SDK1: variants seen among roughly 807,000 people sequenced by gnomAD.
SDK1 encodes the protein protein sidekick-1.
SDK1 carries 157 observed loss-of-function variants against 245.5 expected under a neutral mutation model. The ratio of observed to expected loss-of-function variants is 0.64; its 90% CI spans 0.56 to 0.73. The LOEUF (loss-of-function observed/expected upper bound fraction) is 0.73, where lower values mean the gene tolerates loss of function less well. Among genes scored for constraint, SDK1 ranks in the 30% least tolerant of loss-of-function variants. SDK1 has a pLI of 0.00. For synonymous variants in SDK1, 1,647 were observed against 1,278.5 expected, an observed-to-expected ratio of 1.29 and a Z score of -6.15; for missense variants, 3,583 against 3,002.3, an observed-to-expected ratio of 1.19 and a Z score of -4.52.
At chr7:3,555,151 T>G (rs376221880) in intron 1 of SDK1, among the ~76,000 whole-genome samples, 16 of 152,140 alleles carry the variant, frequency 1.1e-4, no homozygotes, top group Admixed American at 4.6e-4. Context: ...AGAACATAAC[T>G]TGAGGAGTCA....
At chr7:3,458,460 C>G (rs1008515035) in intron 1 of SDK1, among the ~76,000 whole-genome samples, 16 of 152,016 alleles carry the variant, frequency 1.1e-4, no homozygotes, top group African/African-American at 3.1e-4. Context: ...CTGGATTTAT[C>G]TTCAAATTTG....
chr7:3,830,641 G>A (rs1779891005), intron 5 of SDK1, among the ~76,000 whole-genome samples: 1 of 152,064 alleles, frequency 6.6e-6, no homozygotes, highest in Admixed American at 6.6e-5. Context: ...GACTGCAGGT[G>A]TACACCACCA....
intron 1 of SDK1, among the ~76,000 whole-genome samples, chr7:3,562,961 A>G (rs1779797050): frequency 6.6e-6 from 1 of 151,614 alleles, no homozygotes; most frequent in African/African-American, 2.4e-5. Context: ...AAGTTCATTG[A>G]TGTCTTGAAA....
At chr7:4,193,123 ATAAT>A (rs1278650548) in intron 35 of SDK1, among the ~76,000 whole-genome samples, 3 of 134,810 alleles carry the variant, frequency 2.2e-5, no homozygotes, top group East Asian at 2.0e-4. Flanking sequence ...TAAAATATAT[ATAAT>A]ATATAAATAT....
At chr7:3,922,891 A>G (rs1026111757) in intron 5 of SDK1, among the ~76,000 whole-genome samples, 11 of 152,148 alleles carry the variant, frequency 7.2e-5, no homozygotes, top group Non-Finnish European at 1.6e-4. Context: ...TACTGTGCTT[A>G]TATTTGATCT....
intron 1 of SDK1, among the ~76,000 whole-genome samples, chr7:3,581,472 G>T (rs945043798): frequency 2.6e-5 from 4 of 152,160 alleles, no homozygotes; most frequent in African/African-American, 9.7e-5. Flanking sequence ...AGTCAGAATG[G>T]TTATCATTAA....
chr7:3,816,568 G>C (rs368673797), intron 4 of SDK1, among the ~76,000 whole-genome samples: 1 of 151,712 alleles, frequency 6.6e-6, no homozygotes, highest in African/African-American at 2.4e-5. Flanking sequence ...TCTCTGAATA[G>C]ACCAATAACA....
chr7:4,105,741 T>G (rs1435427397), intron 22 of SDK1, among the ~76,000 whole-genome samples: 1 of 152,210 alleles, frequency 6.6e-6, no homozygotes, highest in Non-Finnish European at 1.5e-5. Context: ...CTAAGAGGGA[T>G]GCTGTTCAGA....
chr7:4,138,927 G>A (rs1025018984), intron 28 of SDK1, among the ~76,000 whole-genome samples: 3 of 152,218 alleles, frequency 2.0e-5, no homozygotes, highest in African/African-American at 7.2e-5. Context: ...CTGGGACTCT[G>A]CCCAGGGGCT....
At chr7:3,938,040 T>C (rs1780221719) in intron 5 of SDK1, among the ~76,000 whole-genome samples, 1 of 152,128 alleles carries the variant, frequency 6.6e-6, no homozygotes, top group African/African-American at 2.4e-5. Flanking sequence ...TTTCACCATG[T>C]TGCCCACACT....
intron 13 of SDK1, among the ~76,000 whole-genome samples, chr7:3,975,016 TTA>T (rs1035012776): frequency 6.6e-6 from 1 of 151,420 alleles, no homozygotes; most frequent in African/African-American, 2.5e-5. Context: ...AATAGATACT[TTA>T]AGTTAAGTCT....
At chr7:4,252,061 C>T (rs1787335578) in intron 44 of SDK1, among the ~76,000 whole-genome samples, 1 of 152,006 alleles carries the variant, frequency 6.6e-6, no homozygotes, top group African/African-American at 2.4e-5. Context: ...AATCCTTTCT[C>T]TTTTTTTTAT....
chr7:3,968,514 T>A (rs1782247391), intron 10 of SDK1, among the ~76,000 whole-genome samples: 1 of 152,254 alleles, frequency 6.6e-6, no homozygotes, highest in South Asian at 2.1e-4. Flanking sequence ...TCTGGGACAC[T>A]ACAGATCAAT....
At chr7:3,905,890 C>T (rs28435310) in intron 5 of SDK1, among the ~76,000 whole-genome samples, 2 of 152,140 alleles carry the variant, frequency 1.3e-5, no homozygotes, top group Non-Finnish European at 2.9e-5. Context: ...TCCCAAAGTG[C>T]TGAGATTGCA....
chr7:3,850,445 G>A (rs1780390317), intron 5 of SDK1, among the ~76,000 whole-genome samples: 1 of 152,240 alleles, frequency 6.6e-6, no homozygotes, highest in African/African-American at 2.4e-5. Context: ...GGAAGACAAT[G>A]CGGCGATCCC....
rs771742588 is a variant in SDK1 at position 3,879,327 on chromosome 7, T to C, written c.847+57744T>C. Among the ~76,000 whole-genome samples the C allele has an allele frequency of 9.9e-5, 15 of 152,176 alleles. 1 individual carries two copies. The highest frequency in any genetic ancestry group is 5.2e-4 in the Admixed American group (8 of 15,284). On this transcript the variant is annotated intron_variant, in intron 5 of 44. Coordinates refer to ENST00000404826, the MANE Select transcript of SDK1 (RefSeq NM_152744.4). ...GGTTTGGTTTCAAGTCACAATTTGGTATTACCCTTGCAGTTACTAGATGAA... is the reference window on the plus strand; with the variant it reads ...GGTTTGGTTTCAAGTCACAATTTGGCATTACCCTTGCAGTTACTAGATGAA...
intron 1 of SDK1, among the ~76,000 whole-genome samples, chr7:3,596,836 T>G (rs536845322): frequency 1.1e-3 from 161 of 152,192 alleles, no homozygotes; most frequent in Non-Finnish European, 1.9e-3. Flanking sequence ...ATAACACTTA[T>G]GAACAGAAAA....
intron 30 of SDK1, among the ~76,000 whole-genome samples, chr7:4,152,386 C>A (rs1780443791): frequency 6.6e-6 from 1 of 152,160 alleles, no homozygotes; most frequent in Non-Finnish European, 1.5e-5. Flanking sequence ...GTGCGCCCAG[C>A]CTGACTTAAT....
intron 17 of SDK1, among the ~76,000 whole-genome samples, chr7:4,036,440 G>A (rs983209444): frequency 6.6e-6 from 1 of 152,172 alleles, no homozygotes; most frequent in Non-Finnish European, 1.5e-5. Context: ...CGCTCTACCA[G>A]TCTTCATTAT....
Sources: allele counts gnomAD v4.1 joint callset (sites outside exome capture counted in the v4.1 genomes callset), GRCh38; gene constraint gnomAD v4.1.1; transcripts MANE v1.5; gene names NCBI Gene and HGNC (gene_info 2026-07-23, HGNC 2026-07-21).